Variants in LRPPRC observed in about 807,000 individuals in gnomAD.
LRPPRC encodes the protein leucine-rich PPR motif-containing protein, mitochondrial.
LRPPRC carries 120 observed loss-of-function variants against 180.3 expected under a neutral mutation model. The ratio of observed to expected loss-of-function variants is 0.67; its 90% CI spans 0.57 to 0.77. LRPPRC has a LOEUF of 0.77. LRPPRC is among the 30% of genes least tolerant of loss of function. The pLI, the probability that LRPPRC is intolerant of heterozygous loss-of-function variation, is 0.00. For missense variants in LRPPRC, 2,012 were observed against 1,657.2 expected, an observed-to-expected ratio of 1.21 and a Z score of -3.72; for synonymous variants, 723 against 600.0, an observed-to-expected ratio of 1.21 and a Z score of -3.00.
chr2:43,888,605 A>C lies in LRPPRC; in HGVS notation c.4180T>G (p.Ser1394Ala), dbSNP rs145232874. ...QQLRKLRENS[S>A] Reference sequence around the variant, plus strand: ...CAAAGTATCGCCTGGTTATTTCAAGAAGAGTTTTCCCTCAATTTTCTTAGC... The same window carrying C: ...CAAAGTATCGCCTGGTTATTTCAAGCAGAGTTTTCCCTCAATTTTCTTAGC... Residue 1394 changes from serine (S) to alanine (A), a missense_variant, in exon 38 of 38, where the codon TCT becomes GCT. By Grantham distance (99) the Ser-to-Ala change is moderately conservative (BLOSUM62 1). Transcript: ENST00000260665. 13 of 1,585,430 alleles carry C rather than the reference A, an allele frequency of 8.2e-6. No individual in the cohort carries two copies. The highest frequency in any genetic ancestry group is 3.3e-4 in the Middle Eastern group (2 of 5,980).
chr2:43,921,348 A>G (rs1671693479), intron 27 of LRPPRC, among the ~76,000 whole-genome samples: 1 of 152,196 alleles, frequency 6.6e-6, no homozygotes, highest in African/African-American at 2.4e-5. Flanking sequence ...TCATTTTTTA[A>G]AAAAGTCATT....
chr2:43,953,342 C>T (rs762763806), intron 14 of LRPPRC, among the ~76,000 whole-genome samples: 1 of 152,144 alleles, frequency 6.6e-6, no homozygotes, highest in African/African-American at 2.4e-5. Context: ...TTTTCTTTAT[C>T]TACAATAAGA....
chr2:43,974,911 C>A (rs890083398), intron 7 of LRPPRC, among the ~76,000 whole-genome samples, 153 bp from the exon 8 acceptor site: 1 of 152,006 alleles, frequency 6.6e-6, no homozygotes, highest in Admixed American at 6.5e-5. Flanking sequence ...TCTACTTCAA[C>A]AGTAACTGTT....
chr2:43,892,598 A>G (rs1323557433), intron 36 of LRPPRC: 2 of 152,294 alleles, frequency 1.3e-5, no homozygotes, highest in South Asian at 2.1e-4. Flanking sequence ...ATACAGGGAG[A>G]TTAATGTTGT....
At chr2:43,969,039 TG>T (rs1179667936) in intron 11 of LRPPRC, among the ~76,000 whole-genome samples, 1 of 152,106 alleles carries the variant, frequency 6.6e-6, no homozygotes, top group Non-Finnish European at 1.5e-5. Flanking sequence ...TTTTTAAAAG[TG>T]GGGTAAAGAA....
chr2:43,888,572 A>C lies in LRPPRC; in HGVS notation c.*28T>G, dbSNP rs147974983. On this transcript the variant is annotated 3_prime_UTR_variant, in exon 38 of 38. Coordinates refer to ENST00000260665, the MANE Select transcript of LRPPRC (RefSeq NM_133259.4). ...CATGTAGACACAGAATCACAAATAT[A>C]TACAAAACAAAGTATCGCCTGGTTA... The C allele has an allele frequency of 7.9e-5, 110 of 1,387,234 alleles. No individual in the cohort carries two copies. The African/African-American group carries it at 1.4e-3, about 18-fold the overall frequency. The allele number at this position is 1,387,234 out of a possible 1,614,324, so 85.9% of individuals were successfully genotyped here.
Position 43,946,241 on chromosome 2 carries a change from A to T in LRPPRC, c.2082T>A (p.Asn694Lys). The change falls in exon 21 of 38, where the codon AAT becomes AAA. Residue 694 changes from asparagine (N) to lysine (K), a missense_variant and splice_region_variant. Coordinates refer to ENST00000260665, the MANE Select transcript of LRPPRC (RefSeq NM_133259.4). ...CTTTCAATTCAAGGGCTTTTTGCAT[A>T]TTCTAAAATACAGCATAGATGTGAA... ...QLILVLCSEE[N>K]MQKALELKAK... The T allele has an allele frequency of 6.2e-7, 1 of 1,609,856 alleles. No homozygotes were observed. Among genetic ancestry groups the T allele is most frequent in the Non-Finnish European group, 8.5e-7 (1 of 1,176,500 alleles).
intron 31 of LRPPRC, chr2:43,904,678 A>T (rs1449353885): frequency 6.8e-6 from 1 of 147,982 alleles, no homozygotes; most frequent in African/African-American, 2.5e-5. Flanking sequence ...GGGCAACAGA[A>T]TGAGACCCTA....
intron 14 of LRPPRC, among the ~76,000 whole-genome samples, chr2:43,956,548 G>C (rs914104787): frequency 2.0e-5 from 3 of 149,356 alleles, no homozygotes; most frequent in African/African-American, 7.4e-5. Context: ...GAGGGTATGA[G>C]AGAAAGTAGA....
At chr2:43,900,337 T>C (rs1670840478) in intron 32 of LRPPRC, among the ~76,000 whole-genome samples, 1 of 152,140 alleles carries the variant, frequency 6.6e-6, no homozygotes, top group Non-Finnish European at 1.5e-5. Flanking sequence ...GCATACTAAA[T>C]CCAATCAGTC....
At chr2:43,959,301 A>G (rs1013030456) in intron 13 of LRPPRC, 1 of 688,044 alleles carries the variant, frequency 1.5e-6, no homozygotes, top group Non-Finnish European at 2.7e-6. Flanking sequence ...TGACTCAAAT[A>G]ACTACAACAG....
At chr2:43,908,743 T>A (rs1379686778) in intron 30 of LRPPRC, among the ~76,000 whole-genome samples, 1 of 152,148 alleles carries the variant, frequency 6.6e-6, no homozygotes, top group African/African-American at 2.4e-5. Flanking sequence ...GCCAGGCTGG[T>A]CTTGAACTCC....
chr2:43,973,105 C>T (rs1311661496), intron 11 of LRPPRC, among the ~76,000 whole-genome samples: 1 of 152,206 alleles, frequency 6.6e-6, no homozygotes, highest in African/African-American at 2.4e-5. Flanking sequence ...TTTTGTCCTT[C>T]AATCAGCAGG....
intron 24 of LRPPRC, 134 bp from the exon 25 acceptor site, chr2:43,934,430 G>C (rs1672199927): frequency 3.2e-6 from 2 of 630,776 alleles, no homozygotes; most frequent in Non-Finnish European, 5.6e-6. Flanking sequence ...AAAGAATATA[G>C]CTATATCGAC....
rs745999389 is a variant in LRPPRC at position 43,896,723 on chromosome 2, A to G, written c.3826-15T>C. On this transcript the variant is annotated splice_polypyrimidine_tract_variant and intron_variant, in intron 34 of 37. Transcript: ENST00000260665. ...GCACCACATCTCTAAAAATTAAAAC[A>G]TTATTCAGTAAGTGAAGGTTTCTGA... 19 of 1,509,522 alleles carry G rather than the reference A, an allele frequency of 1.3e-5. No homozygotes were observed. The highest frequency in any genetic ancestry group is 6.8e-5 in the East Asian group (3 of 44,344). The allele number at this position is 1,509,522 out of a possible 1,614,324, so 93.5% of individuals were successfully genotyped here.
intron 1 of LRPPRC, among the ~76,000 whole-genome samples, chr2:43,984,200 GACA>G (rs1355116972): frequency 1.3e-5 from 2 of 151,876 alleles, no homozygotes; most frequent in African/African-American, 4.8e-5. Flanking sequence ...AACTGTCCAG[GACA>G]ACATGTCAAG....
chr2:43,984,585 A>G (rs999264979), intron 1 of LRPPRC, among the ~76,000 whole-genome samples: 1 of 152,206 alleles, frequency 6.6e-6, no homozygotes, highest in African/African-American at 2.4e-5. Context: ...TAACCAAAGA[A>G]GTCTTCACTC....
intron 25 of LRPPRC, among the ~76,000 whole-genome samples, chr2:43,927,943 G>C (rs1249387612): frequency 6.6e-6 from 1 of 152,150 alleles, no homozygotes; most frequent in Non-Finnish European, 1.5e-5. Flanking sequence ...TTTAAAAACT[G>C]CAAGTTGAAA....
intron 27 of LRPPRC, among the ~76,000 whole-genome samples, chr2:43,918,815 A>C (rs1194993822): frequency 5.0e-5 from 7 of 140,096 alleles, no homozygotes; most frequent in East Asian, 2.1e-4. Context: ...ATATAGATAT[A>C]TATATATCTA....
Sources: gnomAD v4.1 joint callset for allele counts (sites outside exome capture counted in the v4.1 genomes callset) on GRCh38, gnomAD v4.1.1 for gene constraint, MANE v1.5 for transcripts, NCBI Gene and HGNC (gene_info 2026-07-23, HGNC 2026-07-21) for gene names.